IL1RAPL1: variants seen among roughly 807,000 people sequenced by gnomAD.
IL1RAPL1 encodes the protein interleukin-1 receptor accessory protein-like 1.
A neutral mutation model predicts 48.4 loss-of-function variants in IL1RAPL1; 3 were observed. The observed-to-expected ratio is 0.06, with a 90% CI of 0.03 to 0.16. IL1RAPL1 has a LOEUF of 0.16. Ranked by LOEUF, IL1RAPL1 falls within the 10% of genes least tolerant of loss-of-function variation. The probability of loss-of-function intolerance (pLI) is 1.00; values close to 1 mark genes in which losing one functional copy is unlikely to be tolerated. For missense variants in IL1RAPL1, 349 were observed against 530.6 expected (o/e 0.66, Z 3.36); for synonymous variants, 185 against 187.7 (o/e 0.99, Z 0.12).
intron 2 of IL1RAPL1, among the ~76,000 whole-genome samples, chrX:29,040,201 T>C (rs936641767): frequency 2.7e-5 from 3 of 112,358 alleles, no homozygotes; most frequent in African/African-American, 9.7e-5. Flanking sequence ...TTCCTTTTAG[T>C]CTATGATAGC....
chrX:29,839,991 A>G (rs749718031), intron 6 of IL1RAPL1, among the ~76,000 whole-genome samples: 1 of 112,086 alleles, frequency 8.9e-6, no homozygotes, highest in Non-Finnish European at 1.9e-5. Context: ...TGATTTAGCT[A>G]TTTTTAAAAC....
chrX:29,571,224 AAAT>A (rs35767422), intron 5 of IL1RAPL1, among the ~76,000 whole-genome samples: 14 of 109,563 alleles, frequency 1.3e-4, no homozygotes, highest in African/African-American at 2.4e-4. Flanking sequence ...CTCCGTCTCA[AAAT>A]AATAATAATA....
chrX:29,011,837 A>G (rs1047249215), intron 2 of IL1RAPL1, among the ~76,000 whole-genome samples: 2 of 112,886 alleles, frequency 1.8e-5, no homozygotes, highest in African/African-American at 6.4e-5. Flanking sequence ...CATAAACTAA[A>G]TAAATGCAGA....
intron 2 of IL1RAPL1, among the ~76,000 whole-genome samples, chrX:29,044,307 A>G (rs1926908364): frequency 1.8e-5 from 2 of 110,352 alleles, no homozygotes; most frequent in African/African-American, 6.6e-5. Flanking sequence ...GCAGGTGCCT[A>G]TAATTCCAGA....
chrX:29,067,219 C>T (rs1927470071), intron 2 of IL1RAPL1, among the ~76,000 whole-genome samples: 1 of 111,592 alleles, frequency 9.0e-6, no homozygotes, highest in Non-Finnish European at 1.9e-5. Context: ...TAAAGGCCTT[C>T]TGGGATCCCT....
In IL1RAPL1 at chrX:29,146,482, C is replaced by T. The variant is rs1378182281; in HGVS notation, c.83-136456C>T. ...TTGCTTACTTGTTTTTTATCTCTTACGCAACCATCCCATTAGAAAGTAAAC... is the reference window on the plus strand; with the variant it reads ...TTGCTTACTTGTTTTTTATCTCTTATGCAACCATCCCATTAGAAAGTAAAC... On this transcript the variant is annotated intron_variant, in intron 2 of 10. Coordinates refer to ENST00000378993, the MANE Select transcript of IL1RAPL1 (RefSeq NM_014271.4). Among the ~76,000 whole-genome samples the T allele has an allele frequency of 4.5e-5, 5 of 111,167 alleles. No homozygotes were observed. The South Asian group carries it at 1.5e-3, about 34-fold the overall frequency.
At chrX:29,576,986 A>G (rs1454099128) in intron 5 of IL1RAPL1, among the ~76,000 whole-genome samples, 2 of 111,641 alleles carry the variant, frequency 1.8e-5, no homozygotes, top group Non-Finnish European at 3.8e-5. Flanking sequence ...TTTAGTTTCC[A>G]TTTCTGGACT....
In IL1RAPL1 at chrX:29,366,539, T is replaced by C. The variant is rs187646770; in HGVS notation, c.363-29719T>C. Among the ~76,000 whole-genome samples, 150 of 105,684 alleles carry C rather than the reference T, an allele frequency of 1.4e-3. 4 individuals carry two copies. The East Asian group carries it at 0.027, about 19-fold the overall frequency. The allele number at this position is 105,684 out of a possible 115,157, so 91.8% of individuals were successfully genotyped here. A position where few individuals can be genotyped will look rare whatever the true frequency, so the allele number is the denominator to read the frequency against. On this transcript the variant is annotated intron_variant, in intron 3 of 10. Transcript: ENST00000378993. ...GTTTAAGAAGCACAGTTTTCTGATA[T>C]TTTTGATAGGTCAATTTTTTTTTTT... is the stretch of plus-strand genomic sequence containing the variant.
intron 5 of IL1RAPL1, among the ~76,000 whole-genome samples, chrX:29,610,088 G>C (rs1270544569): frequency 2.7e-5 from 3 of 111,988 alleles, no homozygotes; most frequent in Non-Finnish European, 5.6e-5. Flanking sequence ...ACTAGTGAGA[G>C]AGAGGTAATT....
At chrX:28,623,082 T>G (rs1934301425) in intron 1 of IL1RAPL1, among the ~76,000 whole-genome samples, 1 of 111,378 alleles carries the variant, frequency 9.0e-6, no homozygotes, top group Admixed American at 9.6e-5. Context: ...CAAGTGAAAT[T>G]AATTAGTTAC....
At chrX:28,659,381 G>A in intron 1 of IL1RAPL1, 1 of 546,418 alleles carries the variant, frequency 1.8e-6, no homozygotes. Flanking sequence ...AGTAGAGGGC[G>A]CACTCTTGCA....
At chrX:29,798,904 T>C (rs751042689) in intron 6 of IL1RAPL1, among the ~76,000 whole-genome samples, 4 of 112,382 alleles carry the variant, frequency 3.6e-5, no homozygotes, top group Admixed American at 9.4e-5. Flanking sequence ...TTTGATAAAA[T>C]TGTTATAAGC....
chrX:28,621,197 G>A (rs754895282), intron 1 of IL1RAPL1, among the ~76,000 whole-genome samples: 2 of 111,983 alleles, frequency 1.8e-5, no homozygotes, highest in Admixed American at 9.5e-5. Context: ...TCAAAGTTCC[G>A]TAAAAGCTCG....
intron 5 of IL1RAPL1, among the ~76,000 whole-genome samples, chrX:29,460,239 C>T (rs912737652): frequency 8.9e-6 from 1 of 112,193 alleles, no homozygotes; most frequent in Non-Finnish European, 1.9e-5. Context: ...CCTTAACTAT[C>T]TTGTAATATT....
chrX:29,656,729 G>A (rs1173995075), intron 5 of IL1RAPL1, among the ~76,000 whole-genome samples: 2 of 110,882 alleles, frequency 1.8e-5, no homozygotes, highest in Non-Finnish European at 3.8e-5. Context: ...TGTGAATTGT[G>A]TCATAAGCTA....
intron 5 of IL1RAPL1, among the ~76,000 whole-genome samples, chrX:29,647,075 C>A (rs745968029): frequency 8.9e-6 from 1 of 112,427 alleles, no homozygotes. Flanking sequence ...CTAGGCCGAG[C>A]GTGGTGGCTC....
intron 5 of IL1RAPL1, among the ~76,000 whole-genome samples, chrX:29,554,386 A>C (rs1053156319): frequency 3.6e-5 from 4 of 111,723 alleles, no homozygotes; most frequent in African/African-American, 1.3e-4. Context: ...TAAATTCTTC[A>C]TGGAATATCA....
chrX:28,645,775 C>G (rs927537196), intron 1 of IL1RAPL1, among the ~76,000 whole-genome samples: 4 of 111,588 alleles, frequency 3.6e-5, no homozygotes, highest in African/African-American at 9.8e-5. Context: ...TCTAGTTTCT[C>G]AAATTTAGGC....
chrX:29,214,354 T>C (rs1362374575), intron 2 of IL1RAPL1, among the ~76,000 whole-genome samples: 1 of 111,410 alleles, frequency 9.0e-6, no homozygotes, highest in Non-Finnish European at 1.9e-5. Context: ...ATGAAGTATT[T>C]AGAAATAAAC....
Sources: gnomAD v4.1 joint callset for allele counts (sites outside exome capture counted in the v4.1 genomes callset) on GRCh38, gnomAD v4.1.1 for gene constraint, MANE v1.5 for transcripts, NCBI Gene and HGNC (gene_info 2026-07-23, HGNC 2026-07-21) for gene names.